The following LRMDA variants were observed in gnomAD, a reference collection of about 807,000 sequenced individuals.
The protein encoded by LRMDA is leucine-rich melanocyte differentiation-associated protein.
Under a neutral mutation model 29.8 loss-of-function variants are expected in LRMDA, and 18 were observed. The observed-to-expected ratio is 0.60, with a 90% CI of 0.42 to 0.90. The LOEUF (loss-of-function observed/expected upper bound fraction) is 0.90. LRMDA is among the 40% of genes least tolerant of loss of function. LRMDA has a pLI of 0.00. For synonymous variants in LRMDA, 125 were observed against 109.4 expected (o/e 1.14, Z -0.89); for missense variants, 273 against 273.9 (o/e 1.00, Z 0.02).
At chr10:76,014,162 TTATA>T (rs980124853) in intron 2 of LRMDA, among the ~76,000 whole-genome samples, 8 of 128,784 alleles carry the variant, frequency 6.2e-5, no homozygotes, top group East Asian at 4.5e-4. Flanking sequence ...ATATATATAA[TTATA>T]TATATATGGT....
chr10:75,729,837 C>G (rs1412033376), intron 2 of LRMDA, among the ~76,000 whole-genome samples: 1 of 152,218 alleles, frequency 6.6e-6, no homozygotes, highest in African/African-American at 2.4e-5. Context: ...CACTTAGTCA[C>G]TCAAGGCTGG....
At position 76,253,930 on chromosome 10, in the gene LRMDA, A is replaced by G. The variant is rs561887147; in HGVS notation, c.517-70471A>G. 2.6e-5 allele frequency among the ~76,000 whole-genome samples: 4 copies of G among 152,134 alleles called. No homozygotes were observed. In the South Asian group the frequency reaches 6.2e-4, roughly 24 times the overall value. On this transcript the variant is annotated intron_variant, in intron 5 of 6. Coordinates refer to ENST00000611255, the MANE Select transcript of LRMDA (RefSeq NM_001305581.2). ...TTTCACTCATCAGTCTAGCCCAAGG[A>G]TATAATTTCATGATGGAGAAAATAA...
At chr10:75,854,917 A>G (rs1321158511) in intron 2 of LRMDA, among the ~76,000 whole-genome samples, 4 of 152,200 alleles carry the variant, frequency 2.6e-5, no homozygotes, top group Non-Finnish European at 5.9e-5. Context: ...TTATGGCTGC[A>G]TAGTATTCCA....
intron 2 of LRMDA, among the ~76,000 whole-genome samples, chr10:75,635,143 G>T (rs927687856): frequency 6.6e-6 from 1 of 152,188 alleles, no homozygotes; most frequent in Non-Finnish European, 1.5e-5. Context: ...ATGGGAACAA[G>T]GGAATGCAGG....
chr10:76,505,480 T>C (rs531317164), intron 6 of LRMDA, among the ~76,000 whole-genome samples: 1 of 152,200 alleles, frequency 6.6e-6, no homozygotes, highest in South Asian at 2.1e-4. Context: ...TTTTAAAAAA[T>C]TTTTATCTGA....
At position 76,286,520 on chromosome 10, in the gene LRMDA, G is replaced by A. The variant is rs577903839; in HGVS notation, c.517-37881G>A. ...AGCAGCTCTGCTGAGTGACCAGAGA[G>A]GGGATGGGGTGAGCAGCAGTTAAGG... is the stretch of plus-strand genomic sequence containing the variant. On this transcript the variant is annotated intron_variant, in intron 5 of 6. Transcript: ENST00000611255. Among the ~76,000 whole-genome samples, 9 of 152,328 alleles carry A rather than the reference G, an allele frequency of 5.9e-5. No homozygotes were observed. In the South Asian group the frequency reaches 1.4e-3, roughly 25 times the overall value.
At chr10:75,660,295 A>C (rs983073032) in intron 2 of LRMDA, among the ~76,000 whole-genome samples, 1 of 152,226 alleles carries the variant, frequency 6.6e-6, no homozygotes, top group Non-Finnish European at 1.5e-5. Flanking sequence ...CAGTTGAGTA[A>C]ATGCACAATG....
At chr10:76,444,857 A>C (rs1355632873) in intron 6 of LRMDA, among the ~76,000 whole-genome samples, 1 of 152,202 alleles carries the variant, frequency 6.6e-6, no homozygotes, top group Non-Finnish European at 1.5e-5. Context: ...TAGTGTATAC[A>C]TATGTGCATA....
intron 2 of LRMDA, among the ~76,000 whole-genome samples, chr10:75,723,250 C>T (rs1301430514): frequency 6.6e-6 from 1 of 152,198 alleles, no homozygotes; most frequent in Non-Finnish European, 1.5e-5. Flanking sequence ...CTGCCATGAA[C>T]TGGCTGGTGA....
intron 3 of LRMDA, among the ~76,000 whole-genome samples, chr10:76,043,988 CGTAAATA>C (rs1564637555): frequency 1.3e-5 from 2 of 149,272 alleles, no homozygotes; most frequent in African/African-American, 4.9e-5. Flanking sequence ...CCCTTGTCTA[CGTAAATA>C]ATTAGAATCA....
At chr10:75,590,878 T>G (rs1840715687) in intron 2 of LRMDA, among the ~76,000 whole-genome samples, 1 of 151,538 alleles carries the variant, frequency 6.6e-6, no homozygotes, top group Non-Finnish European at 1.5e-5. Context: ...CTCCTGCAGC[T>G]GGGATTACAG....
chr10:76,535,350 G>A (rs1484429050), intron 6 of LRMDA, among the ~76,000 whole-genome samples: 1 of 152,096 alleles, frequency 6.6e-6, no homozygotes, highest in Non-Finnish European at 1.5e-5. Flanking sequence ...ATTGAGGTGG[G>A]GAGGGACAAA....
intron 2 of LRMDA, among the ~76,000 whole-genome samples, chr10:75,614,788 T>C (rs1001722640): frequency 2.0e-5 from 3 of 152,148 alleles, no homozygotes; most frequent in African/African-American, 7.2e-5. Flanking sequence ...GTTTGTTTTT[T>C]TTTTTTCCTT....
chr10:75,978,766 T>G (rs996780114), intron 2 of LRMDA, among the ~76,000 whole-genome samples: 4 of 152,246 alleles, frequency 2.6e-5, no homozygotes, highest in Non-Finnish European at 4.4e-5. Flanking sequence ...TATAATTTTT[T>G]GTATGCAACC....
chr10:76,260,362 T>A (rs547465953), intron 5 of LRMDA, among the ~76,000 whole-genome samples: 199 of 152,352 alleles, frequency 1.3e-3, no homozygotes, highest in African/African-American at 4.6e-3. Context: ...GCATTTCTTG[T>A]AAGGCCAATC....
At chr10:75,999,165 A>G (rs2132467183) in intron 2 of LRMDA, among the ~76,000 whole-genome samples, 1 of 152,316 alleles carries the variant, frequency 6.6e-6, no homozygotes, top group African/African-American at 2.4e-5. Context: ...TAAGGATGAA[A>G]ATGTTTTCAG....
At chr10:76,201,077 ATT>A (rs1851419169) in intron 5 of LRMDA, among the ~76,000 whole-genome samples, 1 of 113,286 alleles carries the variant, frequency 8.8e-6, no homozygotes, top group South Asian at 2.9e-4. Context: ...ATTTTTATTT[ATT>A]TATTTATTTA....
intron 2 of LRMDA, among the ~76,000 whole-genome samples, chr10:75,558,538 TTTA>T (rs144353578): frequency 0.011 from 1,633 of 152,180 alleles, 23 homozygotes; most frequent in African/African-American, 0.038. Context: ...TTTTTGTTTT[TTTA>T]TTATTATACT....
chr10:75,988,166 C>T lies in LRMDA; in HGVS notation c.132-47842C>T, dbSNP rs182927758. ...ATGCTGGTAAAATATGGTTGCTCCC[C>T]GCTTTAAAAACAAAATTTTGTTTTC... On this transcript the variant is annotated intron_variant, in intron 2 of 6. Transcript: ENST00000611255. Among the ~76,000 whole-genome samples, 40 of 152,188 alleles carry T rather than the reference C, an allele frequency of 2.6e-4. No homozygotes were observed. In the East Asian group the frequency reaches 3.7e-3, roughly 14 times the overall value.
Sources: gnomAD v4.1 joint callset for allele counts (sites outside exome capture counted in the v4.1 genomes callset) on GRCh38, gnomAD v4.1.1 for gene constraint, MANE v1.5 for transcripts, NCBI Gene and HGNC (gene_info 2026-07-23, HGNC 2026-07-21) for gene names.